TRPM3: variants seen among roughly 807,000 people sequenced by gnomAD.
TRPM3 encodes the protein transient receptor potential cation channel subfamily M member 3.
A neutral mutation model predicts 181.2 loss-of-function variants in TRPM3; 77 were observed. The observed-to-expected ratio is 0.42, with a 90% CI of 0.35 to 0.51. The LOEUF is 0.51. Ranked by LOEUF, TRPM3 falls within the 20% of genes least tolerant of loss-of-function variation. The pLI is 0.01. For synonymous variants in TRPM3, 745 were observed against 796.4 expected (o/e 0.94, Z 1.09); for missense variants, 1,759 against 2,196.7 (o/e 0.80, Z 3.98).
At chr9:71,108,717 G>A (rs10868949) in intron 1 of TRPM3, among the ~76,000 whole-genome samples, 47,843 of 152,064 alleles carry the variant, frequency 0.31, 8,478 homozygotes, top group Middle Eastern at 0.41. Flanking sequence ...CCAGGGCCCC[G>A]TAACAGAGAA....
At chr9:70,564,973 T>G (rs1386434541) in intron 22 of TRPM3, among the ~76,000 whole-genome samples, 1 of 152,228 alleles carries the variant, frequency 6.6e-6, no homozygotes, top group Non-Finnish European at 1.5e-5. Context: ...TTCCTCTCTG[T>G]GCCCTCTGGA....
At chr9:71,411,333 T>C (rs915143531) in intron 1 of TRPM3, among the ~76,000 whole-genome samples, 2 of 152,240 alleles carry the variant, frequency 1.3e-5, no homozygotes, top group Non-Finnish European at 1.5e-5. Flanking sequence ...GCAGATGACA[T>C]GATTGTATAT....
intron 1 of TRPM3, among the ~76,000 whole-genome samples, chr9:70,923,826 C>CTATA (rs1193583058): frequency 2.4e-4 from 34 of 142,532 alleles, no homozygotes; most frequent in Non-Finnish European, 3.5e-4. Context: ...CTCTCTCTCT[C>CTATA]TCTATATATA....
At chr9:71,211,896 C>T (rs2079527379) in intron 1 of TRPM3, among the ~76,000 whole-genome samples, 1 of 152,112 alleles carries the variant, frequency 6.6e-6, no homozygotes, top group Non-Finnish European at 1.5e-5. Context: ...TTGGGAGACA[C>T]ACTTCAACCC....
intron 16 of TRPM3, 23 bp from the exon 17 acceptor site, chr9:70,619,118 G>A: frequency 6.3e-7 from 1 of 1,597,778 alleles, no homozygotes; most frequent in Non-Finnish European, 8.6e-7. Flanking sequence ...ATGGGTGGAA[G>A]AGTCCTTCAG....
intron 1 of TRPM3, among the ~76,000 whole-genome samples, chr9:71,142,631 C>T (rs576339087): frequency 4.7e-4 from 71 of 152,080 alleles, no homozygotes; most frequent in African/African-American, 1.6e-3. Flanking sequence ...AAGAACCATG[C>T]TAATTTGAAC....
intron 1 of TRPM3, among the ~76,000 whole-genome samples, chr9:71,328,780 CTGATA>C (rs1296317408): frequency 1.3e-5 from 2 of 152,306 alleles, no homozygotes; most frequent in African/African-American, 4.8e-5. Flanking sequence ...TTCAACTGCT[CTGATA>C]TTTTTATATT....
chr9:70,835,628 C>T (rs774983790), intron 5 of TRPM3, among the ~76,000 whole-genome samples: 1 of 152,132 alleles, frequency 6.6e-6, no homozygotes, highest in African/African-American at 2.4e-5. Context: ...CCTGCTCCTA[C>T]ACGCTTGCCA....
At chr9:70,632,580 A>G (rs2066062312) in intron 12 of TRPM3, among the ~76,000 whole-genome samples, 1 of 152,152 alleles carries the variant, frequency 6.6e-6, no homozygotes, top group Non-Finnish European at 1.5e-5. Flanking sequence ...TCCAGGTAAA[A>G]GGATAAATTA....
chr9:70,826,158 A>G (rs1363052909), intron 6 of TRPM3: 1 of 152,218 alleles, frequency 6.6e-6, no homozygotes, highest in Non-Finnish European at 1.5e-5. Context: ...TCTTAACTTG[A>G]TGGTGTACAG....
At chr9:71,038,802 G>A (rs1005444470) in intron 1 of TRPM3, among the ~76,000 whole-genome samples, 1 of 152,080 alleles carries the variant, frequency 6.6e-6, no homozygotes, top group Non-Finnish European at 1.5e-5. Context: ...TGAAGGATGG[G>A]TAGGAGATAG....
intron 1 of TRPM3, among the ~76,000 whole-genome samples, chr9:71,273,928 A>G (rs916532182): frequency 2.6e-5 from 4 of 152,144 alleles, no homozygotes; most frequent in Admixed American, 6.5e-5. Flanking sequence ...CTGTCTCTCA[A>G]ATTTGATCCC....
chr9:71,358,650 G>T (rs1004342756), intron 1 of TRPM3, among the ~76,000 whole-genome samples: 1 of 152,132 alleles, frequency 6.6e-6, no homozygotes, highest in African/African-American at 2.4e-5. Flanking sequence ...GGAAAGTAAA[G>T]AAAGAACAGA....
intron 1 of TRPM3, among the ~76,000 whole-genome samples, chr9:71,004,107 G>T (rs1326049449): frequency 6.6e-6 from 1 of 152,132 alleles, no homozygotes; most frequent in Non-Finnish European, 1.5e-5. Context: ...AAATGCAGGG[G>T]TGCTGATTGC....
chr9:71,001,801 G>A (rs2097605869), intron 1 of TRPM3, among the ~76,000 whole-genome samples: 1 of 152,222 alleles, frequency 6.6e-6, no homozygotes, highest in Admixed American at 6.5e-5. Context: ...CTATTGTGTG[G>A]TGGTAGCAAC....
rs114617433 is a variant in TRPM3 at position 70,747,085 on chromosome 9, T to C, written c.1272+14516A>G. 2.5e-3 allele frequency among the ~76,000 whole-genome samples: 374 copies of C among 152,318 alleles called. 1 individual carries two copies. Among genetic ancestry groups the C allele is most frequent in the African/African-American group, 8.3e-3 (346 of 41,586 alleles). On this transcript the variant is annotated intron_variant, in intron 8 of 25. Transcript: ENST00000677713. ...ATTCATTCATTCATTCACTCACTTA[T>C]TTGTTAAAGATTTATTGAGTGTCTG... is the stretch of plus-strand genomic sequence containing the variant.
intron 1 of TRPM3, among the ~76,000 whole-genome samples, chr9:71,359,322 CAT>C (rs1375313331): frequency 9.2e-5 from 14 of 152,232 alleles, no homozygotes; most frequent in Admixed American, 4.6e-4. Flanking sequence ...CGTGTTCACA[CAT>C]GTGTGCAATA....
At chr9:70,620,787 C>T (rs999719196) in intron 15 of TRPM3, among the ~76,000 whole-genome samples, 1 of 151,870 alleles carries the variant, frequency 6.6e-6, no homozygotes, top group Non-Finnish European at 1.5e-5. Context: ...GATAATTTAT[C>T]TCAAGTTTCT....
At chr9:70,594,990 C>A (rs2058757045) in intron 21 of TRPM3, among the ~76,000 whole-genome samples, 1 of 152,122 alleles carries the variant, frequency 6.6e-6, no homozygotes, top group African/African-American at 2.4e-5. Flanking sequence ...AGCAAAGTCC[C>A]CAAGTGTACT....
Sources: allele counts gnomAD v4.1 joint callset (sites outside exome capture counted in the v4.1 genomes callset), GRCh38; gene constraint gnomAD v4.1.1; transcripts MANE v1.5; gene names NCBI Gene and HGNC (gene_info 2026-07-23, HGNC 2026-07-21).